Variants in ERICH6B observed in about 807,000 individuals in gnomAD.
ERICH6B encodes glutamate rich 6B.
Under a neutral mutation model 80.0 loss-of-function variants are expected in ERICH6B, and 69 were observed. The observed-to-expected ratio is 0.86, with a 90% CI of 0.71 to 1.05. The LOEUF is 1.05. Ranked by LOEUF, ERICH6B falls within the 50% of genes least tolerant of loss-of-function variation. The pLI, the probability that ERICH6B is intolerant of heterozygous loss-of-function variation, is 0.00. For missense variants in ERICH6B, 754 were observed against 796.1 expected (o/e 0.95, Z 0.64); for synonymous variants, 283 against 291.9 (o/e 0.97, Z 0.31).
Position 45,541,498 on chromosome 13 carries a change from CTTG to C in ERICH6B, c.2052_2054del (p.Asn684del). Reference sequence around the variant, plus strand: ...GTTTAGAGAGCATCTTCTTCAGGTACTTGTTGTCCATCAGTGATATACTGACGG... The same window carrying C: ...GTTTAGAGAGCATCTTCTTCAGGTACTTGTCCATCAGTGATATACTGACGG... On this transcript the variant is annotated inframe_deletion, in exon 15 of 15. Transcript: ENST00000298738. 4 of 1,552,144 alleles carry C rather than the reference CTTG, an allele frequency of 2.6e-6. No homozygotes were observed. Among genetic ancestry groups the C allele is most frequent in the African/African-American group, 1.4e-5 (1 of 73,148 alleles).
At chr13:45,554,421 C>T (rs964253856) in intron 11 of ERICH6B, among the ~76,000 whole-genome samples, 2 of 152,148 alleles carry the variant, frequency 1.3e-5, no homozygotes, top group Admixed American at 1.3e-4. Context: ...GTTGGTTTGC[C>T]TGGTGACCTG....
chr13:45,561,014 C>T (rs1874649782), intron 11 of ERICH6B, among the ~76,000 whole-genome samples: 1 of 152,158 alleles, frequency 6.6e-6, no homozygotes, highest in Admixed American at 6.5e-5. Flanking sequence ...CAGCCTCGAA[C>T]TCCTGGGCTC....
chr13:45,544,809 A>G lies in ERICH6B; in HGVS notation c.1823T>C (p.Phe608Ser), dbSNP rs930517957. The G allele has an allele frequency of 6.3e-5, 97 of 1,551,546 alleles. No homozygotes were observed. Among genetic ancestry groups the G allele is most frequent in the Non-Finnish European group, 8.0e-5 (92 of 1,146,992 alleles). ...IRSQDKIIFC[F>S]TYEQKQICLN... ...ACAAATCTGCTTCTGTTCATAGGTG[A>G]AGCAGAAGATGATCTTATCCTGGCT... is the stretch of plus-strand genomic sequence containing the variant. The change falls in exon 14 of 15, where the codon TTC becomes TCC. Residue 608 changes from phenylalanine to serine, a missense_variant. By Grantham distance (155) the Phe-to-Ser change is radical (BLOSUM62 -2). Transcript: ENST00000298738.
At chr13:45,550,951 G>T (rs1376944756) in intron 11 of ERICH6B, among the ~76,000 whole-genome samples, 2 of 152,152 alleles carry the variant, frequency 1.3e-5, no homozygotes, top group African/African-American at 2.4e-5. Flanking sequence ...AGCACTGGGG[G>T]TTAGAACTCC....
chr13:45,595,884 A>G (rs562518959), intron 3 of ERICH6B, among the ~76,000 whole-genome samples: 1 of 152,198 alleles, frequency 6.6e-6, no homozygotes, highest in East Asian at 1.9e-4. Context: ...GCTTCACACA[A>G]TCCTCTTGCC....
At chr13:45,553,047 GA>G (rs1307253861) in intron 11 of ERICH6B, 1 of 269,104 alleles carries the variant, frequency 3.7e-6, no homozygotes, top group Non-Finnish European at 7.4e-6. Context: ...TAACTCAGTA[GA>G]AAAAAGCAGT....
At chr13:45,604,732 C>T (rs1360723497) in intron 2 of ERICH6B, among the ~76,000 whole-genome samples, 1 of 151,978 alleles carries the variant, frequency 6.6e-6, no homozygotes, top group Non-Finnish European at 1.5e-5. Context: ...AAGAAGAAGC[C>T]TAGCTACCAC....
chr13:45,566,513 C>T (rs1467427964), intron 9 of ERICH6B, among the ~76,000 whole-genome samples: 1 of 152,230 alleles, frequency 6.6e-6, no homozygotes, highest in Non-Finnish European at 1.5e-5. Flanking sequence ...GCCTTGCATA[C>T]CAGCTGCTCC....
At position 45,580,614 on chromosome 13, in the gene ERICH6B, A is replaced by T; in HGVS notation, c.908T>A (p.Leu303Gln). Residue 303 changes from leucine (L) to glutamine (Q), a missense_variant, in exon 6 of 15, where the codon CTG (leucine) becomes CAG (glutamine). By Grantham distance (113) the Leu-to-Gln change is moderately radical (BLOSUM62 -2). Coordinates refer to ENST00000298738, the MANE Select transcript of ERICH6B (RefSeq NM_182542.3). ...ATCATAAACTTTACCTTCCGGAGCCAGCTTCGTGGTGGTTTCTTGCTCTGT... is the reference window on the plus strand; with the variant it reads ...ATCATAAACTTTACCTTCCGGAGCCTGCTTCGTGGTGGTTTCTTGCTCTGT... The part of the protein sequence containing the change: ...SETEQETTTK[L>Q]APEEHVNTKV... The T allele has an allele frequency of 6.4e-7, 1 of 1,551,548 alleles. No individual in the cohort carries two copies. The highest frequency in any genetic ancestry group is 8.7e-7 in the Non-Finnish European group (1 of 1,146,954).
At chr13:45,601,433 G>A (rs1168960473) in intron 2 of ERICH6B, among the ~76,000 whole-genome samples, 1 of 152,146 alleles carries the variant, frequency 6.6e-6, no homozygotes, top group African/African-American at 2.4e-5. Context: ...TTGCTGTCCA[G>A]CTTTGCTTTT....
chr13:45,572,010 G>T (rs772803982), intron 8 of ERICH6B, among the ~76,000 whole-genome samples: 1 of 152,196 alleles, frequency 6.6e-6, no homozygotes, highest in Admixed American at 6.5e-5. Flanking sequence ...GTGGCACTTT[G>T]TTAACAACAG....
intron 11 of ERICH6B, among the ~76,000 whole-genome samples, chr13:45,559,073 A>G (rs888013303): frequency 6.6e-6 from 1 of 152,104 alleles, no homozygotes; most frequent in Non-Finnish European, 1.5e-5. Flanking sequence ...TACCATTTCA[A>G]TCTCACTGCT....
intron 14 of ERICH6B, among the ~76,000 whole-genome samples, chr13:45,541,903 A>G (rs1207258916): frequency 2.6e-5 from 4 of 152,224 alleles, no homozygotes; most frequent in Non-Finnish European, 5.9e-5. Flanking sequence ...ATGTGGGCTG[A>G]GGCCACACCC....
At chr13:45,593,532 G>A (rs1342848185) in intron 3 of ERICH6B, among the ~76,000 whole-genome samples, 1 of 152,088 alleles carries the variant, frequency 6.6e-6, no homozygotes, top group Non-Finnish European at 1.5e-5. Context: ...ATCCTATGAG[G>A]TAGGTCTAAT....
chr13:45,596,703 T>G lies in ERICH6B; in HGVS notation c.303A>C (p.Ala101=). The change falls in exon 3 of 15, where the codon GCA becomes GCC. Residue 101 remains alanine (A), a synonymous_variant. Coordinates refer to ENST00000298738, the MANE Select transcript of ERICH6B (RefSeq NM_182542.3). ...HLEEEEYLEK[A]GYLEEEEYIE... is the part of the protein sequence containing the mutation. ...TATACTCTTCCTCCTCCAGATACCCTGCCTTCTCCAGATACTCTTCCTCCT... is the reference window on the plus strand; with the variant it reads ...TATACTCTTCCTCCTCCAGATACCCGGCCTTCTCCAGATACTCTTCCTCCT... 6.4e-7 allele frequency: 1 copy of G among 1,551,958 alleles called. No homozygotes were observed. Among genetic ancestry groups the G allele is most frequent in the Non-Finnish European group, 8.7e-7 (1 of 1,147,040 alleles).
chr13:45,609,008 C>T (rs1949884853), intron 1 of ERICH6B, among the ~76,000 whole-genome samples: 1 of 152,240 alleles, frequency 6.6e-6, no homozygotes, highest in Non-Finnish European at 1.5e-5. Flanking sequence ...CCACCTCCCA[C>T]AAAATGTCCT....
intron 5 of ERICH6B, among the ~76,000 whole-genome samples, chr13:45,581,266 C>T (rs1875652236): frequency 6.6e-6 from 1 of 151,854 alleles, no homozygotes; most frequent in African/African-American, 2.4e-5. Context: ...GATCCCTGTT[C>T]CTTTTTGCCT....
intron 2 of ERICH6B, among the ~76,000 whole-genome samples, chr13:45,599,388 A>G (rs1455005037): frequency 2.0e-5 from 3 of 152,148 alleles, no homozygotes; most frequent in Admixed American, 6.5e-5. Context: ...AAAAGAGAAA[A>G]CTGCAACAAA....
chr13:45,613,963 G>T (rs568965497), intron 1 of ERICH6B, among the ~76,000 whole-genome samples: 1 of 152,138 alleles, frequency 6.6e-6, no homozygotes, highest in Non-Finnish European at 1.5e-5. Flanking sequence ...GGAATTTGCT[G>T]CCAGGGTCTG....
Sources: allele counts gnomAD v4.1 joint callset (sites outside exome capture counted in the v4.1 genomes callset), GRCh38; gene constraint gnomAD v4.1.1; transcripts MANE v1.5; gene names NCBI Gene and HGNC (gene_info 2026-07-23, HGNC 2026-07-21).